The following PGBD2 variants were observed in gnomAD, a reference collection of about 807,000 sequenced individuals.
The protein encoded by PGBD2 is piggyBac transposable element derived 2, also known as piggyBac transposable element-derived protein 2.
PGBD2 carries 6 observed loss-of-function variants against 8.1 expected under a neutral mutation model. The ratio of observed to expected loss-of-function variants is 0.74; its 90% CI spans 0.40 to 1.46. The LOEUF is 1.46. Ranked by LOEUF, PGBD2 falls within the 40% of genes most tolerant of loss-of-function variation. The pLI is 0.02. For missense variants in PGBD2, 802 were observed against 739.0 expected (o/e 1.09, Z -0.99); for synonymous variants, 318 against 272.2 (o/e 1.17, Z -1.66).
At chr1:248,921,619 C>T (rs573363103), downstream of PGBD2, among the ~76,000 whole-genome samples, 4 of 152,298 alleles carry the variant, frequency 2.6e-5, no homozygotes, top group Middle Eastern at 3.4e-3. Flanking sequence ...GCTATGTATG[C>T]TCTTTTTTAG....
chr1:248,879,062 G>C, the PGBD2 span, among the ~76,000 whole-genome samples: 6 of 152,282 alleles, frequency 3.9e-5, no homozygotes, highest in South Asian at 8.3e-4. Context: ...GTTACCTTTT[G>C]ATTTGTCTTA....
chr1:248,880,531 C>T, the PGBD2 span, among the ~76,000 whole-genome samples: 2 of 152,330 alleles, frequency 1.3e-5, no homozygotes, highest in East Asian at 3.9e-4. Context: ...CTCATCAGAA[C>T]TTTCAACCCA....
the PGBD2 span, among the ~76,000 whole-genome samples, chr1:248,874,235 A>T: frequency 6.6e-6 from 1 of 152,188 alleles, no homozygotes; most frequent in South Asian, 2.1e-4. Context: ...TTGCTAAATG[A>T]CGCATCATGT....
chr1:248,917,194 T>G lies in PGBD2; in HGVS notation c.610T>G (p.Ser204Ala). 1 of 1,614,126 alleles carries G rather than the reference T, an allele frequency of 6.2e-7. No individual in the cohort carries two copies. Among genetic ancestry groups the G allele is most frequent in the Non-Finnish European group, 8.5e-7 (1 of 1,180,022 alleles). ...YPRRRMFWET[S>A]PDSHHHLVAD... Reference sequence around the variant, plus strand: ...AAGGAGAAGGATGTTCTGGGAAACCTCTCCCGATTCACATCATCATCTTGT... The same window carrying G: ...AAGGAGAAGGATGTTCTGGGAAACCGCTCCCGATTCACATCATCATCTTGT... The change falls in exon 3 of 3, where the codon TCT becomes GCT. Residue 204 changes from serine to alanine, a missense_variant. Ser to Ala is a moderately conservative substitution (Grantham distance 99, BLOSUM62 1). Coordinates refer to ENST00000329291, the MANE Select transcript of PGBD2 (RefSeq NM_170725.3).
the PGBD2 span, among the ~76,000 whole-genome samples, chr1:248,927,530 C>T: frequency 6.6e-6 from 1 of 152,146 alleles, no homozygotes; most frequent in Non-Finnish European, 1.5e-5. Flanking sequence ...CCATGTGGTC[C>T]CTCTCTCAAT....
chr1:248,916,027 C>A (rs1053167488), intron 2 of PGBD2, among the ~76,000 whole-genome samples: 1 of 152,158 alleles, frequency 6.6e-6, no homozygotes. Context: ...TAAAGGGACC[C>A]TCTGCTTTAG....
chr1:248,928,878 A>G, the PGBD2 span, among the ~76,000 whole-genome samples: 1 of 152,204 alleles, frequency 6.6e-6, no homozygotes, highest in Non-Finnish European at 1.5e-5. Context: ...TAGTTCAAAT[A>G]TACAAAGATG....
the PGBD2 span, among the ~76,000 whole-genome samples, chr1:248,898,397 G>A: frequency 1.8e-4 from 28 of 152,252 alleles, no homozygotes; most frequent in South Asian, 1.9e-3. Flanking sequence ...CTCATGATCC[G>A]CCCACCTCGG....
intron 1 of PGBD2, among the ~76,000 whole-genome samples, chr1:248,908,668 G>A (rs1661750196): frequency 6.9e-6 from 1 of 145,726 alleles, no homozygotes; most frequent in African/African-American, 2.6e-5. Flanking sequence ...CCTTCCTTCT[G>A]TTATGCTCTT....
In PGBD2 at chr1:248,916,594, C is replaced by T. The variant is rs779559182; in HGVS notation, c.18-8C>T. 6.2e-7 allele frequency: 1 copy of T among 1,612,402 alleles called. No individual in the cohort carries two copies. The highest frequency in any genetic ancestry group is 1.1e-5 in the South Asian group (1 of 90,972). On this transcript the variant is annotated splice_polypyrimidine_tract_variant and splice_region_variant and intron_variant, in intron 2 of 2. Transcript: ENST00000329291. ...GCCTCTTCCTGATTCTGTTTCCTGT[C>T]ATAACAGAGATGTCATTGCTGGGAG...
chr1:248,910,323 A>G (rs1288153974), intron 1 of PGBD2, among the ~76,000 whole-genome samples: 1 of 152,212 alleles, frequency 6.6e-6, no homozygotes, highest in Non-Finnish European at 1.5e-5. Flanking sequence ...TTTAAACCAT[A>G]TTTGGCTTTT....
At chr1:248,913,503 G>A (rs879810196) in intron 1 of PGBD2, among the ~76,000 whole-genome samples, 6 of 152,130 alleles carry the variant, frequency 3.9e-5, no homozygotes, top group Admixed American at 1.3e-4. Flanking sequence ...CGTGCAGCGG[G>A]ATGTTCTACT....
At chr1:248,923,712 G>T (rs1438656357), downstream of PGBD2, among the ~76,000 whole-genome samples, 1 of 152,214 alleles carries the variant, frequency 6.6e-6, no homozygotes, top group Non-Finnish European at 1.5e-5. Flanking sequence ...ATAATCGTAT[G>T]TGTTAAATTT....
At chr1:248,873,675 C>G in the PGBD2 span, among the ~76,000 whole-genome samples, 3 of 152,178 alleles carry the variant, frequency 2.0e-5, no homozygotes, top group Non-Finnish European at 4.4e-5. Flanking sequence ...AGAGCGCTAT[C>G]GGCCACTCCT....
chr1:248,927,872 A>G, the PGBD2 span, among the ~76,000 whole-genome samples: 93 of 152,332 alleles, frequency 6.1e-4, no homozygotes, highest in African/African-American at 2.1e-3. Context: ...AAGAAAATAC[A>G]TAGCTGTTCC....
At chr1:248,929,143 G>T in the PGBD2 span, among the ~76,000 whole-genome samples, 2 of 152,122 alleles carry the variant, frequency 1.3e-5, no homozygotes, top group Non-Finnish European at 2.9e-5. Flanking sequence ...ATCTGTCTAT[G>T]CTATATGTGC....
chr1:248,891,455 A>G, the PGBD2 span, among the ~76,000 whole-genome samples: 1 of 152,222 alleles, frequency 6.6e-6, no homozygotes, highest in Non-Finnish European at 1.5e-5. Flanking sequence ...TGCTTGATTC[A>G]ATGATTTGTC....
At chr1:248,876,698 T>G in the PGBD2 span, among the ~76,000 whole-genome samples, 1 of 152,318 alleles carries the variant, frequency 6.6e-6, no homozygotes, top group Non-Finnish European at 1.5e-5. Flanking sequence ...TTTTGTGACT[T>G]TATCCGTATT....
chr1:248,884,083 A>C, the PGBD2 span, among the ~76,000 whole-genome samples: 2 of 152,102 alleles, frequency 1.3e-5, no homozygotes, highest in African/African-American at 4.8e-5. Context: ...TAAATATTTA[A>C]TCCATCTGGA....
Sources: allele counts gnomAD v4.1 joint callset (sites outside exome capture counted in the v4.1 genomes callset), GRCh38; gene constraint gnomAD v4.1.1; transcripts MANE v1.5; gene names NCBI Gene and HGNC (gene_info 2026-07-23, HGNC 2026-07-21).